SHROOM2: variants seen among roughly 807,000 people sequenced by gnomAD.
SHROOM2 encodes the protein protein Shroom2.
Under a neutral mutation model 75.9 loss-of-function variants are expected in SHROOM2, and 33 were observed. The ratio of observed to expected loss-of-function variants is 0.43; its 90% CI spans 0.33 to 0.58. The LOEUF is 0.58. Ranked by LOEUF, SHROOM2 falls within the 20% of genes least tolerant of loss-of-function variation. SHROOM2 has a pLI of 0.04. For missense variants in SHROOM2, 1,434 were observed against 1,461.2 expected, an observed-to-expected ratio of 0.98 and a Z score of 0.30; for synonymous variants, 655 against 663.6, an observed-to-expected ratio of 0.99 and a Z score of 0.20.
At chrX:9,837,043 G>A (rs1235698505) in intron 1 of SHROOM2, among the ~76,000 whole-genome samples, 5 of 112,368 alleles carry the variant, frequency 4.4e-5, no homozygotes, top group East Asian at 2.8e-4. Flanking sequence ...AGGTGGTATC[G>A]GTACTCCATT....
intron 3 of SHROOM2, among the ~76,000 whole-genome samples, chrX:9,891,908 C>T (rs953645123): frequency 5.5e-5 from 6 of 108,587 alleles, no homozygotes; most frequent in Admixed American, 9.9e-5. Context: ...TGCGTGCACA[C>T]GCAGGTATGT....
intron 4 of SHROOM2, among the ~76,000 whole-genome samples, chrX:9,897,680 C>CAAAAAAAAAAAAAAAAAAA (rs56026461): frequency 7.2e-4 from 51 of 70,562 alleles, no homozygotes; most frequent in African/African-American, 3.0e-3. Flanking sequence ...GACCCTGTCT[C>CAAAAAAAAAAAAAAAAAAA]AAAAAAAAAA....
At chrX:9,802,953 G>C (rs1368345384) in intron 1 of SHROOM2, among the ~76,000 whole-genome samples, 2 of 95,183 alleles carry the variant, frequency 2.1e-5, no homozygotes, top group African/African-American at 1.0e-4. Context: ...AAATGAAACA[G>C]CATCTTGCTG....
chrX:9,858,007 G>A (rs1054065641), intron 1 of SHROOM2, among the ~76,000 whole-genome samples: 1 of 111,427 alleles, frequency 9.0e-6, no homozygotes, highest in Non-Finnish European at 1.9e-5. Context: ...GAGCGCTGGC[G>A]TGTGCACTCC....
chrX:9,812,273 T>C (rs1455963223), intron 1 of SHROOM2, among the ~76,000 whole-genome samples: 1 of 111,838 alleles, frequency 8.9e-6, no homozygotes, highest in Non-Finnish European at 1.9e-5. Context: ...CATTGGATCA[T>C]ACGGCCCAAG....
In SHROOM2 at chrX:9,895,006, C is replaced by T. The variant is rs1382403515; in HGVS notation, c.1098C>T (p.Thr366=). 20 of 1,209,774 alleles carry T rather than the reference C, an allele frequency of 1.7e-5. No individual in the cohort carries two copies. Among genetic ancestry groups the T allele is most frequent in the South Asian group, 5.3e-5 (3 of 56,655 alleles). Residue 366 remains threonine (T), a synonymous_variant, in exon 4 of 10, where the codon ACC becomes ACT. Transcript: ENST00000380913. ...GTGGTGACCGGAGACCAGAGCTCAC[C>T]GATCGGCCTTGGAGGTCAGCACACC... ...QPRGDRRPEL[T]DRPWRSAHPG... is the part of the protein sequence containing the mutation.
intron 1 of SHROOM2, among the ~76,000 whole-genome samples, chrX:9,826,881 G>A (rs1229083417): frequency 1.8e-5 from 2 of 112,893 alleles, no homozygotes; most frequent in Non-Finnish European, 3.7e-5. Flanking sequence ...AGGCTCAAAC[G>A]CTTTTGAAAG....
intron 5 of SHROOM2, chrX:9,912,861 G>A (rs1158990459): frequency 8.9e-6 from 1 of 112,489 alleles, no homozygotes; most frequent in African/African-American, 3.2e-5. Flanking sequence ...GAGCTCCACA[G>A]GCGTGCACGT....
Position 9,818,485 on chromosome X carries a change from T to C in SHROOM2, c.165+31775T>C, listed in dbSNP as rs772908862. ...ACCAGCTGATGACGACCTCTTCTTC[T>C]AAAAAATCTACATCATACATCTCCT... On this transcript the variant is annotated intron_variant, in intron 1 of 9. Transcript: ENST00000380913. 3.7e-5 allele frequency: 9 copies of C among 240,348 alleles called. No individual in the cohort carries two copies. The South Asian group carries it at 5.0e-4, about 13-fold the overall frequency. 19.8% of individuals were successfully genotyped at this position (240,348 alleles called of 1,213,427 possible). A position where few individuals can be genotyped will look rare whatever the true frequency, so the allele number is the denominator to read the frequency against.
chrX:9,853,201 G>T (rs2084049721), intron 1 of SHROOM2, among the ~76,000 whole-genome samples: 1 of 111,539 alleles, frequency 9.0e-6, no homozygotes, highest in African/African-American at 3.3e-5. Flanking sequence ...AGATCCACCT[G>T]CCAGGACTCC....
chrX:9,936,192 A>G (rs1009436254), intron 6 of SHROOM2, among the ~76,000 whole-genome samples: 1 of 110,336 alleles, frequency 9.1e-6, no homozygotes, highest in East Asian at 2.8e-4. Flanking sequence ...GCTCACTGCA[A>G]CTTCTGCTTC....
At chrX:9,945,148 C>G (rs2084807706) in intron 9 of SHROOM2, among the ~76,000 whole-genome samples, 2 of 111,040 alleles carry the variant, frequency 1.8e-5, no homozygotes, top group Admixed American at 1.9e-4. Context: ...CATTCTGTTG[C>G]CCAGGCTGGA....
At chrX:9,792,053 ATAG>A (rs1569132890) in intron 1 of SHROOM2, among the ~76,000 whole-genome samples, 3,444 of 23,034 alleles carry the variant, frequency 0.15, 288 homozygotes, top group Admixed American at 0.19. Flanking sequence ...ATAGAATAGA[ATAG>A]AATAGAATAG....
intron 1 of SHROOM2, among the ~76,000 whole-genome samples, chrX:9,856,696 T>G (rs1056120716): frequency 8.9e-6 from 1 of 111,878 alleles, no homozygotes; most frequent in Non-Finnish European, 1.9e-5. Context: ...CAAGAGGCTG[T>G]GCTGTTCCTG....
Position 9,896,149 on chromosome X carries a change from C to T in SHROOM2, c.2241C>T (p.Arg747=), listed in dbSNP as rs1417655016. 3.3e-6 allele frequency: 4 copies of T among 1,207,029 alleles called. No homozygotes were observed. The highest frequency in any genetic ancestry group is 1.7e-5 in the African/African-American group (1 of 57,490). The change falls in exon 4 of 10, where the codon CGC becomes CGT. Residue 747 remains arginine, a synonymous_variant. Coordinates refer to ENST00000380913, the MANE Select transcript of SHROOM2 (RefSeq NM_001649.4). ...CAAGTGGCGGGCCCCACCCGCCCCG[C>T]ATCGGAGGCCGGAGACGGTTCACAG... ...SSTSGGPHPP[R]IGGRRRFTAE...
chrX:9,894,988 C>G lies in SHROOM2; in HGVS notation c.1080C>G (p.Asp360Glu). The G allele has an allele frequency of 8.3e-7, 1 of 1,210,648 alleles. No individual in the cohort carries two copies. Among genetic ancestry groups the G allele is most frequent in the African/African-American group, 1.7e-5 (1 of 57,858 alleles). The change falls in exon 4 of 10, where the codon GAC becomes GAG. Residue 360 changes from aspartate (D) to glutamate (E), a missense_variant. This residue lies in a region of SHROOM2 where 1,340 missense variants were observed against 1,338.3 expected (regional missense o/e 1.00). Transcript: ENST00000380913. Reference sequence around the variant, plus strand: ...TGGCCCAGGCTCAGCCTCGTGGTGACCGGAGACCAGAGCTCACCGATCGGC... The same window carrying G: ...TGGCCCAGGCTCAGCCTCGTGGTGAGCGGAGACCAGAGCTCACCGATCGGC... ...TALAQAQPRG[D>E]RRPELTDRPW... is the part of the protein sequence containing the mutation.
Position 9,932,811 on chromosome X carries a change from C to T in SHROOM2, c.3528C>T (p.Phe1176=), listed in dbSNP as rs753207506. Residue 1176 remains phenylalanine (F), a synonymous_variant, in exon 6 of 10, where the codon TTC becomes TTT. Coordinates refer to ENST00000380913, the MANE Select transcript of SHROOM2 (RefSeq NM_001649.4). ...METSRSPSPQ[F]APQKLTDKPP... The stretch of plus-strand genomic sequence containing the variant: ...CCTCGCGCTCCCCCTCGCCCCAGTT[C>T]GCCCCCCAGAAACTGACGGACAAAC... The T allele has an allele frequency of 3.8e-5, 46 of 1,205,084 alleles. No individual in the cohort carries two copies. The highest frequency in any genetic ancestry group is 1.8e-4 in the South Asian group (10 of 56,428).
chrX:9,901,960 G>A (rs1421140055), intron 5 of SHROOM2, among the ~76,000 whole-genome samples: 2 of 105,115 alleles, frequency 1.9e-5, no homozygotes, highest in African/African-American at 6.9e-5. Context: ...GTAGACAGAT[G>A]GATGGACCAG....
chrX:9,881,309 ATCTT>A (rs1022441206), intron 2 of SHROOM2, among the ~76,000 whole-genome samples: 15 of 111,813 alleles, frequency 1.3e-4, no homozygotes, highest in Non-Finnish European at 2.8e-4. Flanking sequence ...AAGGAATCAG[ATCTT>A]TCTTCAGTGA....
Sources: allele counts gnomAD v4.1 joint callset (sites outside exome capture counted in the v4.1 genomes callset), GRCh38; gene constraint gnomAD v4.1.1; regional missense constraint gnomAD v4.1.1; transcripts MANE v1.5; gene names NCBI Gene and HGNC (gene_info 2026-07-23, HGNC 2026-07-21).